PXDC1: variants seen among roughly 807,000 people sequenced by gnomAD.
PXDC1 encodes PX domain containing 1, also known as PX domain-containing protein 1.
In PXDC1, 13 loss-of-function variants were observed where a neutral mutation model predicts 24.4. The ratio of observed to expected loss-of-function variants is 0.53; its 90% CI spans 0.35 to 0.85. The LOEUF (loss-of-function observed/expected upper bound fraction) is 0.85. Ranked by LOEUF, PXDC1 falls within the 40% of genes least tolerant of loss-of-function variation. PXDC1 has a pLI of 0.01. For missense variants in PXDC1, 344 were observed against 309.3 expected, an observed-to-expected ratio of 1.11 and a Z score of -0.84; for synonymous variants, 162 against 124.9, an observed-to-expected ratio of 1.30 and a Z score of -1.98.
intron 3 of PXDC1, among the ~76,000 whole-genome samples, chr6:3,735,455 T>G (rs1265280025): frequency 6.6e-6 from 1 of 152,256 alleles, no homozygotes; most frequent in Non-Finnish European, 1.5e-5. Flanking sequence ...TGCTGTCATT[T>G]GTGGCAACAT....
rs747894075 is a variant in PXDC1 at position 3,751,345 on chromosome 6, G to C, written c.187C>G (p.Leu63Val). Residue 63 changes from leucine (L) to valine (V), a missense_variant, in exon 1 of 5, where the codon CTG becomes GTG. By Grantham distance (32) the Leu-to-Val change is conservative. Transcript: ENST00000380283. ...AAGGCGTCGCGCAGGCGCTGCCACA[G>C]GCGGCCCAGGTCCGCCAGGCTGCGG... ...LHRSLADLGRLWQRLRDAFPE... is the reference protein window; with the variant it reads ...LHRSLADLGRVWQRLRDAFPE... 9 of 1,553,636 alleles carry C rather than the reference G, an allele frequency of 5.8e-6. No homozygotes were observed. In the South Asian group the frequency reaches 9.5e-5, roughly 16 times the overall value.
chr6:3,746,244 G>C (rs562728953), intron 1 of PXDC1, among the ~76,000 whole-genome samples: 2 of 152,208 alleles, frequency 1.3e-5, no homozygotes, highest in South Asian at 2.1e-4. Context: ...AGATCTGTCG[G>C]GGGGGCAGCA....
chr6:3,744,024 G>C (rs1185062059), intron 1 of PXDC1, among the ~76,000 whole-genome samples: 4 of 152,230 alleles, frequency 2.6e-5, no homozygotes, highest in African/African-American at 7.2e-5. Context: ...CTGTACCTGG[G>C]AGGTGGCTCC....
Position 3,737,948 on chromosome 6 carries a change from T to A in PXDC1, c.348+109A>T. Reference sequence around the variant, plus strand: ...CCAGGGAGGGAACAAAACGGCTAAGTGAGACAGAGCAAGCAAGTCAACCCT... The same window carrying A: ...CCAGGGAGGGAACAAAACGGCTAAGAGAGACAGAGCAAGCAAGTCAACCCT... On this transcript the variant is annotated intron_variant, in intron 2 of 4. Transcript: ENST00000380283. This position sits in a 1 kb window ranked among gnomAD's most constrained non-coding sequence, Gnocchi z 5.5. The A allele has an allele frequency of 1.1e-6, 1 of 930,326 alleles. No homozygotes were observed. The highest frequency in any genetic ancestry group is 1.7e-6 in the Non-Finnish European group (1 of 591,234). The allele number at this position is 930,326 out of a possible 1,614,324, so 57.6% of individuals were successfully genotyped here.
In PXDC1 at chr6:3,751,404, G is replaced by A; in HGVS notation, c.128C>T (p.Thr43Met). ...GDEEEFFEIR[T>M]EWSDRSVLYL... is the part of the protein sequence containing the mutation. ...GAGCACGCTGCGGTCCGACCACTCCGTGCGGATCTCGAAGAACTCCTCTTC... is the reference window on the plus strand; with the variant it reads ...GAGCACGCTGCGGTCCGACCACTCCATGCGGATCTCGAAGAACTCCTCTTC... Residue 43 changes from threonine to methionine, a missense_variant, in exon 1 of 5, where the codon ACG (threonine) becomes ATG (methionine). By Grantham distance (81) the Thr-to-Met change is moderately conservative. Coordinates refer to ENST00000380283, the MANE Select transcript of PXDC1 (RefSeq NM_183373.4). The A allele has an allele frequency of 1.9e-6, 3 of 1,576,840 alleles. No individual in the cohort carries two copies. Among genetic ancestry groups the A allele is most frequent in the Non-Finnish European group, 2.6e-6 (3 of 1,162,414 alleles).
intron 1 of PXDC1, among the ~76,000 whole-genome samples, chr6:3,743,202 T>G (rs1423821556): frequency 8.2e-6 from 1 of 121,334 alleles, no homozygotes; most frequent in African/African-American, 3.9e-5. Context: ...ATTCTGAAAC[T>G]AAAGGCAGGA....
chr6:3,748,965 T>G (rs970072870), intron 1 of PXDC1, among the ~76,000 whole-genome samples: 4 of 152,228 alleles, frequency 2.6e-5, no homozygotes, highest in African/African-American at 9.7e-5. Flanking sequence ...ACAATAAATC[T>G]GCATGGAAAT....
At chr6:3,742,584 C>A (rs1454079958) in intron 1 of PXDC1, among the ~76,000 whole-genome samples, 1 of 152,134 alleles carries the variant, frequency 6.6e-6, no homozygotes, top group Non-Finnish European at 1.5e-5. Flanking sequence ...GCGCACTCTG[C>A]GGAAAAAGCA....
chr6:3,727,046 T>A (rs1192754376), intron 4 of PXDC1, among the ~76,000 whole-genome samples: 1 of 152,238 alleles, frequency 6.6e-6, no homozygotes, highest in African/African-American at 2.4e-5. Context: ...AGGCTGAAGA[T>A]GCTGCCGACC....
At chr6:3,739,296 C>T (rs1561736708) in intron 1 of PXDC1, 2 of 259,670 alleles carry the variant, frequency 7.7e-6, no homozygotes, top group African/African-American at 4.5e-5. Flanking sequence ...AGTGGGCTAC[C>T]GCAGGGGCAT....
rs912887821 is a variant in PXDC1 at position 3,727,584 on chromosome 6, T to C, written c.545A>G (p.Asp182Gly). Residue 182 changes from aspartate to glycine, a missense_variant, in exon 4 of 5, where the codon GAC becomes GGC. Coordinates refer to ENST00000380283, the MANE Select transcript of PXDC1 (RefSeq NM_183373.4). The part of the protein sequence containing the change: ...VIDHSIPNGR[D>G]QQLGVDPTEH... ...TGTTGGGTCCACGCCCAGCTGCTGG[T>C]CTCTTCCATTTGGTATACTGTGGTC... 3.7e-6 allele frequency: 6 copies of C among 1,612,924 alleles called. No homozygotes were observed. The African/African-American group carries it at 8.0e-5, about 22-fold the overall frequency.
rs767697661 is a variant in PXDC1 at position 3,751,468 on chromosome 6, T to C, written c.64A>G (p.Asn22Asp). Reference protein sequence around the residue: ...VNMFVRGCWVNGIRRLIVSRR... With the variant: ...VNMFVRGCWVDGIRRLIVSRR... ...CTGACGATGAGCCTGCGGATGCCGT[T>C]CACCCAGCAGCCGCGCACGAACATG... Residue 22 changes from asparagine to aspartate, a missense_variant, in exon 1 of 5, where the codon AAC becomes GAC. Transcript: ENST00000380283. The C allele has an allele frequency of 6.2e-7, 1 of 1,603,786 alleles. No homozygotes were observed. The highest frequency in any genetic ancestry group is 8.5e-7 in the Non-Finnish European group (1 of 1,176,546).
At chr6:3,744,104 C>A (rs1253463986) in intron 1 of PXDC1, among the ~76,000 whole-genome samples, 1 of 152,188 alleles carries the variant, frequency 6.6e-6, no homozygotes, top group African/African-American at 2.4e-5. Flanking sequence ...CGTAATCCTG[C>A]CTTCTCTAGG....
chr6:3,735,452 A>G (rs1262408121), intron 3 of PXDC1, among the ~76,000 whole-genome samples: 2 of 152,260 alleles, frequency 1.3e-5, no homozygotes, highest in African/African-American at 2.4e-5. Flanking sequence ...AAATGCTGTC[A>G]TTTGTGGCAA....
chr6:3,741,111 C>T (rs185466624), intron 1 of PXDC1, among the ~76,000 whole-genome samples: 1 of 152,272 alleles, frequency 6.6e-6, no homozygotes, highest in Non-Finnish European at 1.5e-5. Flanking sequence ...TTCTCGTCAT[C>T]ACCTCAGCCT....
chr6:3,732,229 C>T (rs1294460543), intron 3 of PXDC1, among the ~76,000 whole-genome samples: 1 of 152,214 alleles, frequency 6.6e-6, no homozygotes, highest in Non-Finnish European at 1.5e-5. Flanking sequence ...TCTCAGCAGA[C>T]ACGCGGTCTC....
chr6:3,727,799 C>T (rs183909864), intron 3 of PXDC1, 137 bp from the exon 4 acceptor site: 274 of 627,300 alleles, frequency 4.4e-4, no homozygotes, highest in African/African-American at 3.7e-3. Flanking sequence ...AAGAGAATGC[C>T]GTGCACCCGA....
intron 3 of PXDC1, among the ~76,000 whole-genome samples, chr6:3,730,116 C>A (rs1371263663): frequency 2.0e-5 from 3 of 152,170 alleles, no homozygotes; most frequent in East Asian, 3.9e-4. Context: ...GTGCCTCCTG[C>A]ATGGACCTTG....
rs900886796 is a variant in PXDC1, at chr6:3,723,094, G to T, written c.*525C>A. ...AAAAGATAAAAAGAAAAAAAAAAAG[G>T]CCACATATCCCAGTTCTCAGAGAAA... is the stretch of plus-strand genomic sequence containing the variant. On this transcript the variant is annotated 3_prime_UTR_variant, in exon 5 of 5. Coordinates refer to ENST00000380283, the MANE Select transcript of PXDC1 (RefSeq NM_183373.4). 1 of 152,746 alleles carries T rather than the reference G, an allele frequency of 6.5e-6. No individual in the cohort carries two copies. The highest frequency in any genetic ancestry group is 1.5e-5 in the Non-Finnish European group (1 of 68,570). The allele number at this position is 152,746 out of a possible 1,614,324, so 9.5% of individuals were successfully genotyped here.
Sources: allele counts gnomAD v4.1 joint callset (sites outside exome capture counted in the v4.1 genomes callset), GRCh38; gene constraint gnomAD v4.1.1; non-coding constraint Gnocchi (gnomAD v3.1); transcripts MANE v1.5; gene names NCBI Gene and HGNC (gene_info 2026-07-23, HGNC 2026-07-21).